The following SLC24A3 variants were observed in gnomAD, a reference collection of about 807,000 sequenced individuals.
SLC24A3 encodes the protein solute carrier family 24 member 3, also known as sodium/potassium/calcium exchanger 3.
Under a neutral mutation model 75.8 loss-of-function variants are expected in SLC24A3, and 28 were observed. The observed-to-expected ratio is 0.37, with a 90% CI of 0.27 to 0.51. SLC24A3 has a LOEUF of 0.51. SLC24A3 is among the 20% of genes least tolerant of loss of function. The pLI is 0.94. For synonymous variants in SLC24A3, 372 were observed against 334.1 expected, an observed-to-expected ratio of 1.11 and a Z score of -1.24; for missense variants, 663 against 847.8, an observed-to-expected ratio of 0.78 and a Z score of 2.71.
At chr20:19,326,599 A>T (rs1984869915) in intron 2 of SLC24A3, among the ~76,000 whole-genome samples, 2 of 141,324 alleles carry the variant, frequency 1.4e-5, no homozygotes, top group Non-Finnish European at 1.5e-5. Context: ...TTTTCTTGAG[A>T]TAGTGTCTCC....
chr20:19,282,948 A>G (rs2122226326), intron 2 of SLC24A3, among the ~76,000 whole-genome samples: 1 of 152,332 alleles, frequency 6.6e-6, no homozygotes, highest in Non-Finnish European at 1.5e-5. Flanking sequence ...GATAGAAAAG[A>G]AAATGTCTAG....
intron 3 of SLC24A3, among the ~76,000 whole-genome samples, chr20:19,571,007 C>T (rs1312619903): frequency 6.6e-6 from 1 of 152,034 alleles, no homozygotes; most frequent in African/African-American, 2.4e-5. Context: ...AGACGTTCCT[C>T]AAGTAGAAAG....
rs78228074 is a variant in SLC24A3 at position 19,371,014 on chromosome 20, C to G, written c.271+89927C>G. On this transcript the variant is annotated intron_variant, in intron 2 of 16. Transcript: ENST00000328041. ...AACCTGAGCTTTCTTTTCTCTTTTCCAGGGCTCTTGCCTGTCTTGGTGTGG... is the reference window on the plus strand; with the variant it reads ...AACCTGAGCTTTCTTTTCTCTTTTCGAGGGCTCTTGCCTGTCTTGGTGTGG... Among the ~76,000 whole-genome samples, 544 of 152,142 alleles carry G rather than the reference C, an allele frequency of 3.6e-3. 5 individuals carry two copies. Among genetic ancestry groups the G allele is most frequent in the African/African-American group, 0.012 (502 of 41,478 alleles).
At chr20:19,631,503 C>T (rs1047295328) in intron 6 of SLC24A3, among the ~76,000 whole-genome samples, 1 of 151,918 alleles carries the variant, frequency 6.6e-6, no homozygotes, top group Admixed American at 6.6e-5. Context: ...TTCCAATAAA[C>T]CTATTGTAAG....
At chr20:19,709,356 G>A (rs1450920924) in intron 15 of SLC24A3, among the ~76,000 whole-genome samples, 2 of 152,168 alleles carry the variant, frequency 1.3e-5, no homozygotes, top group Non-Finnish European at 2.9e-5. Flanking sequence ...GGGGATGTGG[G>A]TGAGTACTGC....
At chr20:19,453,243 A>G (rs1277062335) in intron 2 of SLC24A3, among the ~76,000 whole-genome samples, 3 of 152,034 alleles carry the variant, frequency 2.0e-5, no homozygotes, top group Non-Finnish European at 4.4e-5. Context: ...CCAGCTACTC[A>G]GGTGACTGAG....
intron 16 of SLC24A3, among the ~76,000 whole-genome samples, chr20:19,719,869 T>C (rs1435262630): frequency 6.6e-6 from 1 of 151,010 alleles, no homozygotes; most frequent in East Asian, 2.0e-4. Context: ...CTCCAGCGAG[T>C]GTGGGTGGAA....
At chr20:19,325,757 C>CATATATATAT (rs1568589763) in intron 2 of SLC24A3, among the ~76,000 whole-genome samples, 20 of 39,584 alleles carry the variant, frequency 5.1e-4, no homozygotes, top group South Asian at 7.7e-4. Flanking sequence ...TGTGTGTATA[C>CATATATATAT]ATACATACAT....
chr20:19,715,166 T>G (rs1433860253), intron 15 of SLC24A3, among the ~76,000 whole-genome samples: 2 of 152,192 alleles, frequency 1.3e-5, no homozygotes, highest in African/African-American at 4.8e-5. Context: ...ATCTCTCCCA[T>G]TCAACATTGA....
intron 8 of SLC24A3, among the ~76,000 whole-genome samples, chr20:19,671,791 A>C (rs1482299877): frequency 6.6e-6 from 1 of 152,008 alleles, no homozygotes; most frequent in African/African-American, 2.4e-5. Flanking sequence ...TGGATGTGTA[A>C]ATTGGGGGTC....
At chr20:19,537,354 G>A (rs12481125) in intron 3 of SLC24A3, among the ~76,000 whole-genome samples, 95,041 of 151,522 alleles carry the variant, frequency 0.63, 30,061 homozygotes, top group Non-Finnish European at 0.67. Context: ...TTAGAATGGC[G>A]ATCATTCAAA....
intron 3 of SLC24A3, among the ~76,000 whole-genome samples, chr20:19,563,450 A>G (rs1304673952): frequency 6.6e-6 from 1 of 152,192 alleles, no homozygotes; most frequent in Non-Finnish European, 1.5e-5. Context: ...AATATTGACT[A>G]TGCTTGTGCC....
chr20:19,684,828 T>C (rs1192208063), intron 11 of SLC24A3, among the ~76,000 whole-genome samples: 1 of 152,194 alleles, frequency 6.6e-6, no homozygotes, highest in Non-Finnish European at 1.5e-5. Flanking sequence ...GACATCACAG[T>C]GCACAGAGTG....
chr20:19,656,488 A>G (rs1033703935), intron 7 of SLC24A3, among the ~76,000 whole-genome samples: 4 of 152,212 alleles, frequency 2.6e-5, no homozygotes, highest in Non-Finnish European at 5.9e-5. Flanking sequence ...GATCACCTGG[A>G]ACCCAAGGAC....
intron 2 of SLC24A3, among the ~76,000 whole-genome samples, chr20:19,335,131 A>T (rs1367696341): frequency 6.6e-6 from 1 of 152,224 alleles, no homozygotes; most frequent in Non-Finnish European, 1.5e-5. Flanking sequence ...TTTAATTTTA[A>T]ATAGCTACAT....
intron 2 of SLC24A3, among the ~76,000 whole-genome samples, chr20:19,370,255 C>T (rs1985969126): frequency 2.6e-5 from 4 of 152,198 alleles, no homozygotes; most frequent in Admixed American, 2.6e-4. Context: ...CTACTTTCTG[C>T]TCACACATCA....
intron 2 of SLC24A3, among the ~76,000 whole-genome samples, chr20:19,407,009 C>A (rs1312366459): frequency 1.3e-5 from 2 of 152,118 alleles, no homozygotes; most frequent in Admixed American, 6.5e-5. Context: ...TCATGGCACT[C>A]TTTTCTGTTG....
chr20:19,578,502 G>A (rs932243333), intron 3 of SLC24A3, among the ~76,000 whole-genome samples: 7 of 151,900 alleles, frequency 4.6e-5, no homozygotes, highest in Admixed American at 3.9e-4. Flanking sequence ...CTCTGCCTCA[G>A]CTTCTCCACT....
chr20:19,693,228 T>A lies in SLC24A3; in HGVS notation c.1325-31T>A, dbSNP rs201935275. On this transcript the variant is annotated intron_variant, in intron 12 of 16. Transcript: ENST00000328041. ...CTGGGGTTCTTTGTTATTTTTTTTTTATTTCTTTTTGGCCTTTTTCATTTT... is the reference window on the plus strand; with the variant it reads ...CTGGGGTTCTTTGTTATTTTTTTTTAATTTCTTTTTGGCCTTTTTCATTTT... The A allele has an allele frequency of 7.2e-5, 115 of 1,586,658 alleles. No homozygotes were observed. The African/African-American group carries it at 1.4e-3, about 20-fold the overall frequency.
Sources: allele counts gnomAD v4.1 joint callset (sites outside exome capture counted in the v4.1 genomes callset), GRCh38; gene constraint gnomAD v4.1.1; transcripts MANE v1.5; gene names NCBI Gene and HGNC (gene_info 2026-07-23, HGNC 2026-07-21).